Variants in SNX14 observed in about 807,000 individuals in gnomAD.
SNX14 encodes the protein sorting nexin-14.
In SNX14, 93 loss-of-function variants were observed where a neutral mutation model predicts 133.8. The observed-to-expected ratio is 0.70, with a 90% CI of 0.59 to 0.83. The LOEUF (loss-of-function observed/expected upper bound fraction) is 0.83. SNX14 is among the 40% of genes least tolerant of loss of function. SNX14 has a pLI of 0.00. For missense variants in SNX14, 945 were observed against 1,094.9 expected (o/e 0.86, Z 1.93); for synonymous variants, 368 against 365.6 (o/e 1.01, Z -0.07).
chr6:85,543,719 C>T lies in SNX14; in HGVS notation c.1150G>A (p.Asp384Asn). Residue 384 changes from aspartate (D) to asparagine (N), a missense_variant, in exon 13 of 29, where the codon GAT becomes AAT. Physicochemically the swap from Asp to Asn is conservative, Grantham distance 23. This residue lies in a region of SNX14 where 514 missense variants were observed against 538.8 expected (regional missense o/e 0.95). Transcript: ENST00000314673. ...DRILRPELSN[D>N]EMLSLHEELQ... ...TCTTCATGAAGAGACAGCATTTCAT[C>T]ATTTGATAATTCTGGTCGTAAAATT... is the stretch of plus-strand genomic sequence containing the variant. 1 of 1,578,308 alleles carries T rather than the reference C, an allele frequency of 6.3e-7. No individual in the cohort carries two copies. Among genetic ancestry groups the T allele is most frequent in the Non-Finnish European group, 8.6e-7 (1 of 1,160,854 alleles).
At chr6:85,521,273 A>G (rs1251070431) in intron 21 of SNX14, among the ~76,000 whole-genome samples, 1 of 151,998 alleles carries the variant, frequency 6.6e-6, no homozygotes, top group Non-Finnish European at 1.5e-5. Context: ...TCACTCTGTC[A>G]CTCAGGATGG....
At chr6:85,571,852 T>C (rs983637303) in intron 4 of SNX14, among the ~76,000 whole-genome samples, 1 of 152,202 alleles carries the variant, frequency 6.6e-6, no homozygotes, top group African/African-American at 2.4e-5. Flanking sequence ...TACAAAATGA[T>C]ATTTCTGCTG....
chr6:85,565,219 C>T lies in SNX14; in HGVS notation c.549+113G>A, dbSNP rs568728176. ...ACTACATGCCTGTATCAAAGTATCT[C>T]ATGTACCCCACAAATATGTACATTT... On this transcript the variant is annotated intron_variant, in intron 6 of 28. Coordinates refer to ENST00000314673, the MANE Select transcript of SNX14 (RefSeq NM_153816.6). 1.3e-5 allele frequency: 8 copies of T among 604,638 alleles called. No homozygotes were observed. In the South Asian group the frequency reaches 1.7e-4, roughly 13 times the overall value. The allele number at this position is 604,638 out of a possible 1,614,324, so 37.5% of individuals were successfully genotyped here. A position where few individuals can be genotyped will look rare whatever the true frequency, so the allele number is the denominator to read the frequency against.
chr6:85,587,789 T>C lies in SNX14; in HGVS notation c.140+5790A>G, dbSNP rs141372804. Among the ~76,000 whole-genome samples, 126 of 152,264 alleles carry C rather than the reference T, an allele frequency of 8.3e-4. 1 individual carries two copies. Among genetic ancestry groups the C allele is most frequent in the Non-Finnish European group, 1.0e-4 (7 of 68,002 alleles). ...AAATAAATTGTTTAAAAGATAAAAA[T>C]GCAACAACTAGTAAGTGAAAAATTA... is the stretch of plus-strand genomic sequence containing the variant. On this transcript the variant is annotated intron_variant, in intron 1 of 28. Coordinates refer to ENST00000314673, the MANE Select transcript of SNX14 (RefSeq NM_153816.6).
chr6:85,511,586 T>TA (rs549652979), intron 26 of SNX14, among the ~76,000 whole-genome samples: 1 of 152,232 alleles, frequency 6.6e-6, no homozygotes, highest in Non-Finnish European at 1.5e-5. Flanking sequence ...CCTCTCTTCC[T>TA]AGTTTGCTGA....
intron 7 of SNX14, among the ~76,000 whole-genome samples, chr6:85,550,149 G>A (rs552074133): frequency 1.3e-5 from 2 of 152,294 alleles, no homozygotes; most frequent in South Asian, 2.1e-4. Context: ...AAGAGGCTGA[G>A]GCAGAATTGC....
intron 28 of SNX14, among the ~76,000 whole-genome samples, chr6:85,506,307 C>A (rs960471492): frequency 6.6e-6 from 1 of 150,452 alleles, no homozygotes; most frequent in Non-Finnish European, 1.5e-5. Context: ...CTTAATATCA[C>A]AATAACTTGA....
chr6:85,515,262 C>CAAAAAAAAAA (rs751549621), intron 23 of SNX14, among the ~76,000 whole-genome samples: 1 of 22,766 alleles, frequency 4.4e-5, no homozygotes. Flanking sequence ...GCAAGACCGT[C>CAAAAAAAAAA]AAAAAAAAAA....
At chr6:85,525,126 G>T (rs1208441107) in intron 21 of SNX14, among the ~76,000 whole-genome samples, 1 of 152,082 alleles carries the variant, frequency 6.6e-6, no homozygotes, top group East Asian at 1.9e-4. Context: ...TCTGAAACAT[G>T]ATCTTCAGGA....
chr6:85,510,630 A>G (rs1243124867), intron 26 of SNX14, among the ~76,000 whole-genome samples: 1 of 152,208 alleles, frequency 6.6e-6, no homozygotes, highest in Non-Finnish European at 1.5e-5. Flanking sequence ...TGAAGTAAAG[A>G]TTATCAATTA....
Position 85,505,690 on chromosome 6 carries a change from G to T in SNX14, c.*277C>A. ...CGAAGTTTATCAGTCTTATCTGTTT[G>T]CCATAACATCATTATGAATTTTCTC... On this transcript the variant is annotated 3_prime_UTR_variant, in exon 29 of 29. Coordinates refer to ENST00000314673, the MANE Select transcript of SNX14 (RefSeq NM_153816.6). 2.5e-6 allele frequency: 1 copy of T among 396,788 alleles called. No homozygotes were observed. Among genetic ancestry groups the T allele is most frequent in the Non-Finnish European group, 4.5e-6 (1 of 223,044 alleles). The allele number at this position is 396,788 out of a possible 1,614,324, so 24.6% of individuals were successfully genotyped here.
At chr6:85,570,573 G>C (rs1419208127) in intron 4 of SNX14, among the ~76,000 whole-genome samples, 1 of 152,022 alleles carries the variant, frequency 6.6e-6, no homozygotes, top group Non-Finnish European at 1.5e-5. Context: ...TGAGATACTT[G>C]TCCAGGCGCA....
Position 85,564,427 on chromosome 6 carries a change from G to A in SNX14, c.549+905C>T, listed in dbSNP as rs903779777. On this transcript the variant is annotated intron_variant, in intron 6 of 28. Transcript: ENST00000314673. ...TTTCTATTTCTCCACATCCTCTCCA[G>A]CACCTGTTGTTGCCTGACTTTTTAA... is the stretch of plus-strand genomic sequence containing the variant. Among the ~76,000 whole-genome samples, 58 of 152,168 alleles carry A rather than the reference G, an allele frequency of 3.8e-4. 1 individual carries two copies. The highest frequency in any genetic ancestry group is 1.4e-3 in the African/African-American group (57 of 41,438).
At chr6:85,518,535 CTA>C (rs1446875396) in intron 21 of SNX14, among the ~76,000 whole-genome samples, 2 of 152,034 alleles carry the variant, frequency 1.3e-5, no homozygotes, top group African/African-American at 4.8e-5. Context: ...ATTCTAAATC[CTA>C]TGTTTGCCAA....
chr6:85,521,130 G>A (rs915673562), intron 21 of SNX14, among the ~76,000 whole-genome samples: 12 of 152,206 alleles, frequency 7.9e-5, no homozygotes, highest in African/African-American at 2.6e-4. Context: ...TGGTGAATGC[G>A]GTGTTTCCCA....
chr6:85,563,153 C>T (rs1236197772), intron 6 of SNX14, among the ~76,000 whole-genome samples: 1 of 151,898 alleles, frequency 6.6e-6, no homozygotes, highest in South Asian at 2.1e-4. Context: ...CATATCTTTT[C>T]TCTAGCAGTT....
rs1184968645 is a variant in SNX14, at chr6:85,517,687, G to C, written c.2268+69C>G. ...TCATTAACAAAGTATTCATTCTCTC[G>C]ACAATGAAAAAGTAATCTCAAGTAG... On this transcript the variant is annotated intron_variant, in intron 23 of 28. Coordinates refer to ENST00000314673, the MANE Select transcript of SNX14 (RefSeq NM_153816.6). The C allele has an allele frequency of 1.3e-5, 19 of 1,492,462 alleles. No individual in the cohort carries two copies. The East Asian group carries it at 3.5e-4, about 27-fold the overall frequency. The allele number at this position is 1,492,462 out of a possible 1,614,324, so 92.5% of individuals were successfully genotyped here.
chr6:85,512,028 C>T (rs1055514653), intron 26 of SNX14, among the ~76,000 whole-genome samples: 1 of 152,124 alleles, frequency 6.6e-6, no homozygotes, highest in Non-Finnish European at 1.5e-5. Context: ...ACACATGCTT[C>T]TCAGGCCCCC....
At chr6:85,565,012 A>T (rs1793300014) in intron 6 of SNX14, among the ~76,000 whole-genome samples, 1 of 152,092 alleles carries the variant, frequency 6.6e-6, no homozygotes, top group Non-Finnish European at 1.5e-5. Flanking sequence ...AATTGTTTCA[A>T]ATAATCTTCT....
Sources: gnomAD v4.1 joint callset for allele counts (sites outside exome capture counted in the v4.1 genomes callset) on GRCh38, gnomAD v4.1.1 for gene constraint, gnomAD v4.1.1 regional missense constraint, MANE v1.5 for transcripts, NCBI Gene and HGNC (gene_info 2026-07-23, HGNC 2026-07-21) for gene names.